TENM3: variants seen among roughly 807,000 people sequenced by gnomAD.
The protein encoded by TENM3 is teneurin-3.
Under a neutral mutation model 255.1 loss-of-function variants are expected in TENM3, and 63 were observed. The observed-to-expected ratio is 0.25, with a 90% CI of 0.20 to 0.30. TENM3 has a LOEUF of 0.30. Ranked by LOEUF, TENM3 falls within the 10% of genes least tolerant of loss-of-function variation. The pLI, the probability that TENM3 is intolerant of heterozygous loss-of-function variation, is 1.00. For missense variants in TENM3, 2,929 were observed against 3,461.1 expected (o/e 0.85, Z 3.86); for synonymous variants, 1,306 against 1,322.3 (o/e 0.99, Z 0.27).
chr4:181,907,745 G>A, the TENM3 span, among the ~76,000 whole-genome samples: 1 of 152,098 alleles, frequency 6.6e-6, no homozygotes, highest in African/African-American at 2.4e-5. Flanking sequence ...GGCAGCCAAC[G>A]CAGGAATCAT....
At chr4:182,263,554 G>A (rs995061244) in intron 1 of TENM3, among the ~76,000 whole-genome samples, 2 of 151,688 alleles carry the variant, frequency 1.3e-5, no homozygotes, top group African/African-American at 4.9e-5. Context: ...TGTGGGTAAC[G>A]GGATTAGGCA....
chr4:181,568,298 A>G, the TENM3 span, among the ~76,000 whole-genome samples: 3 of 151,288 alleles, frequency 2.0e-5, no homozygotes, highest in Admixed American at 1.3e-4. Context: ...CGAGTAGCTG[A>G]GATTACAGGC....
chr4:181,643,684 T>A, the TENM3 span, among the ~76,000 whole-genome samples: 1 of 152,054 alleles, frequency 6.6e-6, no homozygotes, highest in Non-Finnish European at 1.5e-5. Context: ...AATTACAACA[T>A]TAGTAAGATA....
the TENM3 span, among the ~76,000 whole-genome samples, chr4:181,778,968 G>A: frequency 1.3e-5 from 2 of 152,268 alleles, no homozygotes; most frequent in South Asian, 2.1e-4. Flanking sequence ...GAAGGAATAA[G>A]AGTCTGAAAG....
the TENM3 span, among the ~76,000 whole-genome samples, chr4:182,072,575 A>C: frequency 6.6e-6 from 1 of 152,268 alleles, no homozygotes; most frequent in Admixed American, 6.5e-5. Context: ...AAAGAAATAT[A>C]TACTTCCACT....
chr4:182,285,507 A>G (rs75489247), intron 1 of TENM3, among the ~76,000 whole-genome samples: 94 of 152,326 alleles, frequency 6.2e-4, no homozygotes, highest in African/African-American at 2.2e-3. Context: ...GTTCTCAGCT[A>G]TCTGGGTAGA....
the TENM3 span, among the ~76,000 whole-genome samples, chr4:181,941,473 G>A: frequency 3.3e-5 from 5 of 151,944 alleles, no homozygotes; most frequent in African/African-American, 1.2e-4. Flanking sequence ...TTATTTCAAT[G>A]ACTATAATTT....
At chr4:182,729,749 A>G (rs1298363912) in intron 14 of TENM3, among the ~76,000 whole-genome samples, 2 of 152,238 alleles carry the variant, frequency 1.3e-5, no homozygotes, top group African/African-American at 4.8e-5. Flanking sequence ...ATGCAGTTAT[A>G]GCCAGCAGTT....
intron 3 of TENM3, among the ~76,000 whole-genome samples, chr4:182,524,352 CTTTTTTTTTTTTTTT>C (rs138783384): frequency 1.7e-5 from 1 of 59,444 alleles, no homozygotes; most frequent in Non-Finnish European, 2.9e-5. Context: ...CACTGATGAG[CTTTTTTTTTTTTTTT>C]TTTTTTTTTT....
intron 12 of TENM3, among the ~76,000 whole-genome samples, chr4:182,693,554 G>A (rs1282119765): frequency 2.0e-5 from 3 of 152,104 alleles, no homozygotes; most frequent in Non-Finnish European, 4.4e-5. Context: ...GGCCAGGCTG[G>A]TGTCGAATTC....
At chr4:181,472,376 G>A in the TENM3 span, among the ~76,000 whole-genome samples, 1 of 152,032 alleles carries the variant, frequency 6.6e-6, no homozygotes, top group Non-Finnish European at 1.5e-5. Flanking sequence ...TTGGGGACCT[G>A]GGGGCAAATT....
At chr4:181,591,895 C>T in the TENM3 span, among the ~76,000 whole-genome samples, 1 of 151,666 alleles carries the variant, frequency 6.6e-6, no homozygotes, top group Non-Finnish European at 1.5e-5. Context: ...ACAGAAATGA[C>T]TTATTGAAAC....
chr4:181,953,903 C>T, the TENM3 span, among the ~76,000 whole-genome samples: 1 of 152,114 alleles, frequency 6.6e-6, no homozygotes, highest in African/African-American at 2.4e-5. Context: ...ACGTTTCCAT[C>T]ACCCTGAACG....
chr4:181,667,870 GGT>G, the TENM3 span, among the ~76,000 whole-genome samples: 1 of 152,090 alleles, frequency 6.6e-6, no homozygotes, highest in African/African-American at 2.4e-5. Context: ...GAGACAGGTG[GGT>G]CAAGTAGTAA....
rs775010852 is a variant in TENM3 at position 182,792,316 on chromosome 4, G to A, written c.5644G>A (p.Glu1882Lys). 20 of 1,613,744 alleles carry A rather than the reference G, an allele frequency of 1.2e-5. No individual in the cohort carries two copies. The Admixed American group carries it at 2.2e-4, about 17-fold the overall frequency. Reference protein sequence around the residue: ...LLHSQRQYIFEYDMWDRLSAI... With the variant: ...LLHSQRQYIFKYDMWDRLSAI... ...TCATAGCCAGCGGCAGTACATCTTC[G>A]AATACGATATGTGGGACCGCCTGTC... is the stretch of plus-strand genomic sequence containing the variant. The change falls in exon 26 of 28, where the codon GAA becomes AAA. Residue 1882 changes from glutamate to lysine, a missense_variant. Around this residue, in one of 6 missense-constraint regions of TENM3, gnomAD observed 303 missense variants for 425.2 expected, o/e 0.71. Transcript: ENST00000511685. The surrounding 1 kb of genome is among the most constrained non-coding windows in gnomAD (Gnocchi z 6.3).
chr4:182,698,312 G>A (rs142531146), intron 12 of TENM3, among the ~76,000 whole-genome samples: 536 of 152,274 alleles, frequency 3.5e-3, no homozygotes, highest in Middle Eastern at 0.01. Flanking sequence ...CCCAAAGGTG[G>A]TAGTAATTTG....
intron 14 of TENM3, 34 bp downstream of exon 14, chr4:182,729,215 T>G: frequency 1.3e-6 from 2 of 1,552,848 alleles, no homozygotes; most frequent in Non-Finnish European, 1.8e-6. Context: ...AGATTTGTAA[T>G]GATGTTATCA....
chr4:182,526,048 C>T (rs537589676), intron 3 of TENM3, among the ~76,000 whole-genome samples: 4 of 152,226 alleles, frequency 2.6e-5, no homozygotes, highest in Middle Eastern at 3.4e-3. Context: ...GGTGCGATCT[C>T]GGCTTACTGC....
rs573879045 is a variant in TENM3, at chr4:182,150,846, G to A, written c.-76+6092G>A. ...GGTAGTGACTGTCTTCCTTCAGTCCGATTCCGTAGCACCTCTGAATGCAGT... is the reference window on the plus strand; with the variant it reads ...GGTAGTGACTGTCTTCCTTCAGTCCAATTCCGTAGCACCTCTGAATGCAGT... On this transcript the variant is annotated intron_variant, in intron 1 of 2. Coordinates refer to the TENM3 transcript ENST00000512480. 7.9e-5 allele frequency among the ~76,000 whole-genome samples: 12 copies of A among 152,160 alleles called. No homozygotes were observed. The South Asian group carries it at 1.0e-3, about 13-fold the overall frequency.
Sources: allele counts gnomAD v4.1 joint callset (sites outside exome capture counted in the v4.1 genomes callset), GRCh38; gene constraint gnomAD v4.1.1; regional missense constraint gnomAD v4.1.1; non-coding constraint Gnocchi (gnomAD v3.1); transcripts MANE v1.5; gene names NCBI Gene and HGNC (gene_info 2026-07-23, HGNC 2026-07-21).